Variants in CAST observed in about 807,000 individuals in gnomAD.
The protein encoded by CAST is calpastatin.
CAST carries 76 observed loss-of-function variants against 119.6 expected under a neutral mutation model. That is an observed-to-expected ratio of 0.64 (90% CI 0.53 to 0.77). CAST has a LOEUF of 0.77. CAST is among the 30% of genes least tolerant of loss of function. The probability of loss-of-function intolerance (pLI) is 0.00; values close to 1 mark genes in which losing one functional copy is unlikely to be tolerated. For missense variants in CAST, 953 were observed against 946.5 expected, an observed-to-expected ratio of 1.01 and a Z score of -0.09; for synonymous variants, 319 against 331.6, an observed-to-expected ratio of 0.96 and a Z score of 0.41.
intron 1 of CAST, among the ~76,000 whole-genome samples, chr5:96,612,318 A>G (rs1312493734): frequency 1.3e-5 from 2 of 152,202 alleles, no homozygotes; most frequent in Admixed American, 1.3e-4. Context: ...TCCTAAATGA[A>G]TTAACACAGA....
At chr5:96,426,097 T>A in the CAST span, among the ~76,000 whole-genome samples, 1 of 152,218 alleles carries the variant, frequency 6.6e-6, no homozygotes, top group Admixed American at 6.5e-5. Flanking sequence ...GATTGCCCAC[T>A]GGGGAGATGA....
chr5:96,677,186 T>C (rs942044856), intron 2 of CAST, among the ~76,000 whole-genome samples: 2 of 152,234 alleles, frequency 1.3e-5, no homozygotes, highest in African/African-American at 4.8e-5. Context: ...AAAACCATTG[T>C]GTTCTTTTAT....
At chr5:96,440,402 T>C in the CAST span, among the ~76,000 whole-genome samples, 2,196 of 152,262 alleles carry the variant, frequency 0.014, 36 homozygotes, top group African/African-American at 0.045. Flanking sequence ...CAGCTGTAGC[T>C]GTTTACTCAC....
chr5:96,368,514 A>AC, the CAST span, among the ~76,000 whole-genome samples: 2 of 151,582 alleles, frequency 1.3e-5, no homozygotes, highest in African/African-American at 4.8e-5. Context: ...AAAAAAAAAA[A>AC]ACAAAAAAAC....
the CAST span, among the ~76,000 whole-genome samples, chr5:96,112,003 GT>G: frequency 4.6e-5 from 7 of 150,760 alleles, no homozygotes; most frequent in African/African-American, 9.7e-5. Context: ...ATTTTATATA[GT>G]TTTTTATAAT....
chr5:96,321,115 T>G, the CAST span, among the ~76,000 whole-genome samples: 1 of 152,202 alleles, frequency 6.6e-6, no homozygotes, highest in Admixed American at 6.5e-5. Flanking sequence ...CACTCAGCTA[T>G]CTGCCTAGCC....
At chr5:96,270,997 T>C in the CAST span, among the ~76,000 whole-genome samples, 1 of 138,750 alleles carries the variant, frequency 7.2e-6, no homozygotes, top group Non-Finnish European at 1.6e-5. Context: ...CAGCAAATAA[T>C]ATTTAAAAAA....
At chr5:96,477,065 AACACACACACACAC>A in the CAST span, among the ~76,000 whole-genome samples, 1,453 of 136,708 alleles carry the variant, frequency 0.011, 16 homozygotes, top group African/African-American at 0.023. Flanking sequence ...AATGTGCCAA[AACACACACACACAC>A]ACACACACAC....
chr5:96,763,343 C>CGTGTGT, intron 25 of CAST: 2 of 751,442 alleles, frequency 2.7e-6, no homozygotes, highest in Non-Finnish European at 5.0e-6. Context: ...TAAAATGCCC[C>CGTGTGT]GTGTGTGTGT....
chr5:96,557,485 C>T (rs969964797), intron 1 of CAST, among the ~76,000 whole-genome samples: 12 of 152,006 alleles, frequency 7.9e-5, no homozygotes, highest in Admixed American at 7.9e-4. Context: ...CCGACACACA[C>T]AGGCTCAAAA....
the CAST span, among the ~76,000 whole-genome samples, chr5:96,299,519 C>T: frequency 3.3e-5 from 5 of 152,238 alleles, no homozygotes; most frequent in African/African-American, 9.6e-5. Context: ...CTTCTTGGCT[C>T]CCCTGCTCCC....
the CAST span, among the ~76,000 whole-genome samples, chr5:96,207,553 G>T: frequency 6.6e-6 from 1 of 152,106 alleles, no homozygotes; most frequent in African/African-American, 2.4e-5. Flanking sequence ...CATCTATTGA[G>T]ATGATCATGT....
chr5:96,533,039 AAAAAT>A (rs1421835647), intron 1 of CAST, among the ~76,000 whole-genome samples: 28 of 73,094 alleles, frequency 3.8e-4, no homozygotes, highest in Admixed American at 2.2e-3. Context: ...AAAAAAAAAT[AAAAAT>A]AAAAATAAAA....
chr5:96,236,337 G>A, the CAST span, among the ~76,000 whole-genome samples: 1 of 152,160 alleles, frequency 6.6e-6, no homozygotes, highest in South Asian at 2.1e-4. Context: ...CTTTGGCCTG[G>A]CTGTTTGTAC....
intron 24 of CAST, among the ~76,000 whole-genome samples, chr5:96,758,320 C>G (rs1368466503): frequency 6.6e-6 from 1 of 152,170 alleles, no homozygotes; most frequent in Admixed American, 6.5e-5. Context: ...TAGAGTCCCT[C>G]AAAGGGAACT....
At chr5:96,483,677 A>C in the CAST span, among the ~76,000 whole-genome samples, 1 of 152,176 alleles carries the variant, frequency 6.6e-6, no homozygotes, top group Non-Finnish European at 1.5e-5. Context: ...CAATTTGGAT[A>C]CTTTACATGA....
At chr5:96,205,370 A>T in the CAST span, among the ~76,000 whole-genome samples, 1 of 152,014 alleles carries the variant, frequency 6.6e-6, no homozygotes, top group Non-Finnish European at 1.5e-5. Flanking sequence ...TGTTCTGTAG[A>T]TAAATTGTGT....
the CAST span, among the ~76,000 whole-genome samples, chr5:96,310,574 T>A: frequency 2.7e-3 from 399 of 150,188 alleles, no homozygotes; most frequent in Non-Finnish European, 4.1e-3. Context: ...TTTTTTTTTT[T>A]AAATGGGAGA....
Position 96,662,436 on chromosome 5 carries a change from G to C in CAST, c.14G>C (p.Gly5Ala), listed in dbSNP as rs1215939483. The change falls in exon 1 of 32, where the codon GGC (glycine) becomes GCC (alanine). Residue 5 changes from glycine (G) to alanine (A), a missense_variant. By Grantham distance (60) the Gly-to-Ala change is moderately conservative. Transcript: ENST00000675179. MSQP[G>A]QKPAASPRPR... The stretch of plus-strand genomic sequence containing the variant: ...AGCGGCCTCGCCATGTCCCAGCCCG[G>C]CCAGAAGCCCGCCGCCTCCCCGCGG... The C allele has an allele frequency of 6.9e-7, 1 of 1,442,976 alleles. No homozygotes were observed. Among genetic ancestry groups the C allele is most frequent in the Non-Finnish European group, 9.1e-7 (1 of 1,103,220 alleles). The allele number at this position is 1,442,976 out of a possible 1,614,324, so 89.4% of individuals were successfully genotyped here.
Sources: gnomAD v4.1 joint callset for allele counts (sites outside exome capture counted in the v4.1 genomes callset) on GRCh38, gnomAD v4.1.1 for gene constraint, MANE v1.5 for transcripts, NCBI Gene and HGNC (gene_info 2026-07-23, HGNC 2026-07-21) for gene names.